MED12L: variants seen among roughly 807,000 people sequenced by gnomAD.
MED12L encodes mediator complex subunit 12L.
Under a neutral mutation model 281.3 loss-of-function variants are expected in MED12L, and 60 were observed. The observed-to-expected ratio is 0.21, with a 90% CI of 0.17 to 0.26. The LOEUF is 0.26. Among genes scored for constraint, MED12L ranks in the 10% least tolerant of loss-of-function variants. The pLI is 1.00. For missense variants in MED12L, 2,146 were observed against 2,680.9 expected, an observed-to-expected ratio of 0.80 and a Z score of 4.41; for synonymous variants, 974 against 987.2, an observed-to-expected ratio of 0.99 and a Z score of 0.25.
At chr3:151,264,937 GCTC>G (rs35497531) in intron 16 of MED12L, among the ~76,000 whole-genome samples, 10,983 of 152,090 alleles carry the variant, frequency 0.072, 1,322 homozygotes, top group African/African-American at 0.25. Flanking sequence ...TCTTGCTCTT[GCTC>G]CTCCACTTCA....
chr3:151,214,435 C>G (rs545277299), intron 16 of MED12L: 1 of 829,190 alleles, frequency 1.2e-6, no homozygotes, highest in East Asian at 2.5e-5. Context: ...TATAGTCAAA[C>G]CTACCAAATT....
intron 2 of MED12L, among the ~76,000 whole-genome samples, chr3:151,110,171 T>G (rs1260619429): frequency 6.6e-6 from 1 of 152,226 alleles, no homozygotes; most frequent in East Asian, 1.9e-4. Flanking sequence ...CTTGGGGGTT[T>G]TAGAGGCATG....
At chr3:151,380,650 G>A (rs1012183531) in intron 32 of MED12L, among the ~76,000 whole-genome samples, 14 of 150,434 alleles carry the variant, frequency 9.3e-5, no homozygotes, top group South Asian at 2.1e-4. Context: ...TTGAGTAGAC[G>A]CTGAGAAACA....
chr3:151,237,080 G>C (rs890198102), intron 16 of MED12L, among the ~76,000 whole-genome samples: 1 of 135,022 alleles, frequency 7.4e-6, no homozygotes, highest in Admixed American at 8.3e-5. Context: ...ACGGAATCTC[G>C]CTCTGTTGCC....
At chr3:151,348,482 TC>T (rs1752836553) in intron 16 of MED12L, among the ~76,000 whole-genome samples, 1 of 152,050 alleles carries the variant, frequency 6.6e-6, no homozygotes, top group Non-Finnish European at 1.5e-5. Context: ...GTCATTTGTA[TC>T]CTATGATTAG....
chr3:151,322,412 G>T (rs1327825390), intron 16 of MED12L, among the ~76,000 whole-genome samples: 1 of 151,796 alleles, frequency 6.6e-6, no homozygotes, highest in East Asian at 1.9e-4. Context: ...GTCCAGGCTG[G>T]TCTCAAACTC....
At chr3:151,364,786 T>C (rs866971219) in intron 21 of MED12L, among the ~76,000 whole-genome samples, 193 bp from the exon 22 acceptor site, 8 of 152,182 alleles carry the variant, frequency 5.3e-5, no homozygotes, top group Non-Finnish European at 8.8e-5. Flanking sequence ...AAATTATTTA[T>C]TGAGGAATTT....
intron 11 of MED12L, among the ~76,000 whole-genome samples, chr3:151,171,926 T>C (rs762663153): frequency 2.8e-4 from 42 of 152,202 alleles, no homozygotes; most frequent in Non-Finnish European, 5.3e-4. Flanking sequence ...CCAAGTACCA[T>C]GCATGGGGCC....
At position 151,354,073 on chromosome 3, in the gene MED12L, G is replaced by A. The variant is rs1028560061; in HGVS notation, c.2399-1048G>A. On this transcript the variant is annotated intron_variant, in intron 17 of 44. Transcript: ENST00000687756. ...GGAGAATGGCGTGAACCCGGGAGGC[G>A]GAGCTTGCAGTGAGCCGAGATCCCG... Among the ~76,000 whole-genome samples the A allele has an allele frequency of 4.9e-5, 7 of 143,052 alleles. No homozygotes were observed. In the South Asian group the frequency reaches 6.7e-4, roughly 14 times the overall value. The allele number at this position is 143,052 out of a possible 152,430, so 93.8% of individuals were successfully genotyped here. A position where few individuals can be genotyped will look rare whatever the true frequency, so the allele number is the denominator to read the frequency against.
At chr3:151,087,968 C>A (rs949693681) in intron 2 of MED12L, among the ~76,000 whole-genome samples, 6 of 151,990 alleles carry the variant, frequency 3.9e-5, no homozygotes, top group African/African-American at 1.4e-4. Context: ...TTCTGTTCAG[C>A]TAAACACGAA....
At chr3:151,366,878 A>G (rs1463920552) in intron 23 of MED12L, among the ~76,000 whole-genome samples, 3 of 152,114 alleles carry the variant, frequency 2.0e-5, no homozygotes, top group African/African-American at 7.2e-5. Flanking sequence ...TTTTTAAATT[A>G]CACTTTACCT....
intron 39 of MED12L, among the ~76,000 whole-genome samples, chr3:151,397,352 A>G (rs572026677): frequency 5.3e-5 from 8 of 152,340 alleles, no homozygotes; most frequent in Admixed American, 2.6e-4. Flanking sequence ...GGAAAATAGT[A>G]TTCTTAAAGG....
intron 11 of MED12L, among the ~76,000 whole-genome samples, chr3:151,183,503 G>A (rs576142381): frequency 1.2e-3 from 178 of 152,286 alleles, no homozygotes; most frequent in Non-Finnish European, 2.2e-3. Flanking sequence ...TCAGAGTGTC[G>A]TGTGTGATGA....
At chr3:151,227,833 C>T (rs1018159226) in intron 16 of MED12L, among the ~76,000 whole-genome samples, 22 of 151,976 alleles carry the variant, frequency 1.4e-4, no homozygotes, top group African/African-American at 5.1e-4. Flanking sequence ...CTGTTTTTTT[C>T]GGTTTCAGTT....
At chr3:151,267,133 T>C (rs888830550) in intron 16 of MED12L, among the ~76,000 whole-genome samples, 1 of 152,202 alleles carries the variant, frequency 6.6e-6, no homozygotes, top group Admixed American at 6.5e-5. Flanking sequence ...TGAAGTTTAT[T>C]TTGACTGTTT....
At position 151,389,990 on chromosome 3, in the gene MED12L, G is replaced by A; in HGVS notation, c.5463G>A (p.Gln1821=). The change falls in exon 38 of 45, where the codon CAG becomes CAA. Residue 1821 remains glutamine, a synonymous_variant. Coordinates refer to ENST00000687756, the MANE Select transcript of MED12L (RefSeq NM_001393769.1). The part of the protein sequence containing the change: ...KSSSRVDEYP[Q]SNIYRVPPNY... ...ACTTTATGTTGAAGGAATATCCACA[G>A]AGCAACATATACCGAGTGCCTCCTA... 1.2e-6 allele frequency: 2 copies of A among 1,614,068 alleles called. No individual in the cohort carries two copies. Among genetic ancestry groups the A allele is most frequent in the South Asian group, 1.1e-5 (1 of 91,074 alleles).
chr3:151,297,149 T>C (rs1454372918), intron 16 of MED12L, among the ~76,000 whole-genome samples: 1 of 152,240 alleles, frequency 6.6e-6, no homozygotes, highest in Non-Finnish European at 1.5e-5. Context: ...ATTACTAAGC[T>C]TTACAAGTTA....
intron 25 of MED12L, among the ~76,000 whole-genome samples, chr3:151,369,051 G>A (rs565804417): frequency 5.3e-5 from 8 of 152,000 alleles, no homozygotes; most frequent in Non-Finnish European, 8.8e-5. Flanking sequence ...GTGAGCCACC[G>A]CACCCATCCC....
intron 16 of MED12L, among the ~76,000 whole-genome samples, chr3:151,220,276 T>C (rs1028607111): frequency 1.3e-4 from 20 of 151,900 alleles, no homozygotes; most frequent in Admixed American, 9.8e-4. Context: ...CTGAAAGCCA[T>C]GTGGTCTGAT....
Sources: allele counts gnomAD v4.1 joint callset (sites outside exome capture counted in the v4.1 genomes callset), GRCh38; gene constraint gnomAD v4.1.1; transcripts MANE v1.5; gene names NCBI Gene and HGNC (gene_info 2026-07-23, HGNC 2026-07-21).